PTPRN2: variants seen among roughly 807,000 people sequenced by gnomAD.
PTPRN2 encodes the protein protein tyrosine phosphatase receptor type N2.
Under a neutral mutation model 118.8 loss-of-function variants are expected in PTPRN2, and 74 were observed. That is an observed-to-expected ratio of 0.62 (90% CI 0.52 to 0.76). PTPRN2 has a LOEUF of 0.76. Ranked by LOEUF, PTPRN2 falls within the 30% of genes least tolerant of loss-of-function variation. The pLI, the probability that PTPRN2 is intolerant of heterozygous loss-of-function variation, is 0.00. For missense variants in PTPRN2, 1,481 were observed against 1,394.4 expected (o/e 1.06, Z -0.99); for synonymous variants, 641 against 608.0 (o/e 1.05, Z -0.80).
At position 158,083,508 on chromosome 7, in the gene PTPRN2, C is replaced by T. The variant is rs151142952; in HGVS notation, c.1644-2131G>A. On this transcript the variant is annotated intron_variant, in intron 10 of 22. Coordinates refer to ENST00000389418, the MANE Select transcript of PTPRN2 (RefSeq NM_002847.5). ...TTTTCCCTCACGTGCTGAAAGTTTT[C>T]TCTAAAGGCTGTGAGGAGGTTCTTG... 2.0e-5 allele frequency among the ~76,000 whole-genome samples: 3 copies of T among 152,278 alleles called. No homozygotes were observed. The East Asian group carries it at 5.8e-4, about 29-fold the overall frequency.
At chr7:157,837,306 C>T (rs1197944355) in intron 12 of PTPRN2, among the ~76,000 whole-genome samples, 2 of 151,606 alleles carry the variant, frequency 1.3e-5, no homozygotes, top group Non-Finnish European at 2.9e-5. Flanking sequence ...CACCCACCTG[C>T]CCATCGACAC....
At chr7:158,328,524 G>C (rs534683911) in intron 2 of PTPRN2, among the ~76,000 whole-genome samples, 1 of 152,228 alleles carries the variant, frequency 6.6e-6, no homozygotes, top group Non-Finnish European at 1.5e-5. Flanking sequence ...GCAGAGCAGC[G>C]TGAGGCTCTG....
chr7:158,290,231 C>CT (rs1437466263), intron 3 of PTPRN2, among the ~76,000 whole-genome samples: 13 of 152,060 alleles, frequency 8.5e-5, no homozygotes, highest in African/African-American at 2.9e-4. Context: ...GGCCTGGACT[C>CT]TGAGTTCTGG....
chr7:157,992,850 G>T (rs760216856), intron 11 of PTPRN2, among the ~76,000 whole-genome samples: 1 of 152,260 alleles, frequency 6.6e-6, no homozygotes, highest in African/African-American at 2.4e-5. Flanking sequence ...GGCTCCTTCT[G>T]CTCAGGAAGC....
intron 12 of PTPRN2, among the ~76,000 whole-genome samples, chr7:157,772,260 G>A (rs1299815643): frequency 9.1e-5 from 9 of 99,096 alleles, no homozygotes; most frequent in Non-Finnish European, 3.7e-5. Context: ...GACGCACACA[G>A]ACACCCATAC....
At chr7:157,916,803 GAAGGT>G (rs1798425879) in intron 11 of PTPRN2, among the ~76,000 whole-genome samples, 1 of 144,110 alleles carries the variant, frequency 6.9e-6, no homozygotes, top group African/African-American at 2.6e-5. Flanking sequence ...CTCCCCAGCT[GAAGGT>G]CCCCACCATG....
intron 14 of PTPRN2, among the ~76,000 whole-genome samples, chr7:157,633,702 C>T (rs973340314): frequency 6.6e-6 from 1 of 151,968 alleles, no homozygotes; most frequent in Admixed American, 6.6e-5. Context: ...CAGGGAAGGG[C>T]AGTGAAGGCT....
intron 11 of PTPRN2, among the ~76,000 whole-genome samples, chr7:157,938,578 G>C (rs956132579): frequency 1.1e-4 from 16 of 152,232 alleles, no homozygotes; most frequent in African/African-American, 3.9e-4. Context: ...CCAAAGGCAA[G>C]ATGTGAACCC....
intron 13 of PTPRN2, among the ~76,000 whole-genome samples, chr7:157,666,615 C>A (rs1404527418): frequency 6.6e-6 from 1 of 152,194 alleles, no homozygotes; most frequent in Non-Finnish European, 1.5e-5. Context: ...GGCTGAGGAC[C>A]AGGACTCTGG....
intron 12 of PTPRN2, among the ~76,000 whole-genome samples, chr7:157,837,141 A>ACCCTTCCATGTGTCCCT (rs1808013479): frequency 7.7e-6 from 1 of 130,632 alleles, no homozygotes. Context: ...CCACCCATCC[A>ACCCTTCCATGTGTCCCT]CACATCCGCC....
chr7:158,062,777 C>A (rs569157389), intron 11 of PTPRN2, among the ~76,000 whole-genome samples: 79 of 152,234 alleles, frequency 5.2e-4, no homozygotes, highest in Non-Finnish European at 9.6e-4. Flanking sequence ...GCACTGCGCT[C>A]AAATTCTTGC....
At chr7:157,925,794 C>A (rs990532805) in intron 11 of PTPRN2, among the ~76,000 whole-genome samples, 5 of 151,700 alleles carry the variant, frequency 3.3e-5, no homozygotes, top group Admixed American at 3.3e-4. Flanking sequence ...GACGCTGAAT[C>A]ACCAGCCACC....
intron 3 of PTPRN2, among the ~76,000 whole-genome samples, chr7:158,238,524 C>A (rs1410721155): frequency 6.6e-6 from 1 of 152,194 alleles, no homozygotes; most frequent in Non-Finnish European, 1.5e-5. Context: ...TTCTGTATCA[C>A]CCAAAACATC....
At chr7:158,129,552 T>C (rs183404972) in intron 9 of PTPRN2, among the ~76,000 whole-genome samples, 331 of 149,292 alleles carry the variant, frequency 2.2e-3, no homozygotes, top group African/African-American at 7.8e-3. Context: ...ACAACACACA[T>C]GCAACACATA....
At chr7:157,789,924 TTG>T (rs1040122933) in intron 12 of PTPRN2, among the ~76,000 whole-genome samples, 1 of 148,856 alleles carries the variant, frequency 6.7e-6, no homozygotes, top group African/African-American at 2.5e-5. Flanking sequence ...GTGTGGTATG[TTG>T]TGTGTGTATG....
At chr7:157,772,144 C>T (rs1802882737) in intron 12 of PTPRN2, among the ~76,000 whole-genome samples, 1 of 151,276 alleles carries the variant, frequency 6.6e-6, no homozygotes, top group African/African-American at 2.4e-5. Context: ...CAGACACACA[C>T]ACAGACACAA....
intron 9 of PTPRN2, 128 bp downstream of exon 9, chr7:158,133,549 A>G (rs564323370): frequency 1.7e-4 from 225 of 1,312,414 alleles, no homozygotes; most frequent in Non-Finnish European, 4.4e-5. Flanking sequence ...GGATGCCTGC[A>G]CCCCATTATT....
chr7:158,275,073 G>A (rs967800014), intron 3 of PTPRN2, among the ~76,000 whole-genome samples: 2 of 152,178 alleles, frequency 1.3e-5, no homozygotes, highest in Admixed American at 6.5e-5. Context: ...GTTCTTACCA[G>A]GAAAGAGGAG....
chr7:157,717,247 C>T (rs892838209), intron 12 of PTPRN2, among the ~76,000 whole-genome samples: 1 of 152,262 alleles, frequency 6.6e-6, no homozygotes, highest in Non-Finnish European at 1.5e-5. Flanking sequence ...CTCACTTATT[C>T]ACGGTCCTGA....
Sources: allele counts gnomAD v4.1 joint callset (sites outside exome capture counted in the v4.1 genomes callset), GRCh38; gene constraint gnomAD v4.1.1; transcripts MANE v1.5; gene names NCBI Gene and HGNC (gene_info 2026-07-23, HGNC 2026-07-21).